Variants in ASTN2 observed in about 807,000 individuals in gnomAD.
ASTN2 encodes astrotactin 2.
A neutral mutation model predicts 139.8 loss-of-function variants in ASTN2; 54 were observed. The ratio of observed to expected loss-of-function variants is 0.39; its 90% confidence interval spans 0.31 to 0.48. The LOEUF is 0.48. ASTN2 is among the 20% of genes least tolerant of loss of function. The pLI is 0.95. For synonymous variants in ASTN2, 756 were observed against 719.5 expected (o/e 1.05, Z -0.81); for missense variants, 1,565 against 1,725.1 (o/e 0.91, Z 1.64).
chr9:117,120,018 GTATA>G (rs200361826), intron 4 of ASTN2, among the ~76,000 whole-genome samples: 116 of 45,986 alleles, frequency 2.5e-3, no homozygotes, highest in African/African-American at 7.6e-3. Context: ...GTGTGTGTGT[GTATA>G]TATATATATA....
intron 2 of ASTN2, among the ~76,000 whole-genome samples, chr9:117,275,837 G>C (rs1040287620): frequency 3.3e-5 from 5 of 151,984 alleles, no homozygotes; most frequent in Admixed American, 2.6e-4. Flanking sequence ...CCCAAAGTTA[G>C]TGTCTCTTCT....
intron 16 of ASTN2, chr9:116,697,720 CA>C (rs781716459): frequency 1.2e-6 from 2 of 1,613,236 alleles, no homozygotes; most frequent in Admixed American, 3.3e-5. Flanking sequence ...GCTGTGCTAG[CA>C]ATACCCTTCA....
intron 1 of ASTN2, among the ~76,000 whole-genome samples, chr9:117,293,322 C>T (rs1350987247): frequency 2.6e-5 from 4 of 152,196 alleles, no homozygotes; most frequent in Admixed American, 1.3e-4. Flanking sequence ...ATTCTATTCT[C>T]AGCCAGGAGC....
chr9:116,446,285 A>AGAGAGAGAGAGG (rs1564282702), intron 20 of ASTN2, among the ~76,000 whole-genome samples: 5 of 150,028 alleles, frequency 3.3e-5, no homozygotes, highest in Non-Finnish European at 4.5e-5. Context: ...AGAGAGAGAG[A>AGAGAGAGAGAGG]GAGAGAGAGA....
intron 4 of ASTN2, among the ~76,000 whole-genome samples, chr9:117,131,677 T>TA (rs1346274101): frequency 6.6e-6 from 1 of 152,190 alleles, no homozygotes; most frequent in African/African-American, 2.4e-5. Flanking sequence ...CCCATTATCT[T>TA]AACTCAAGCA....
chr9:117,404,215 T>C (rs1830917723), intron 1 of ASTN2, among the ~76,000 whole-genome samples: 1 of 152,220 alleles, frequency 6.6e-6, no homozygotes, highest in Admixed American at 6.5e-5. Context: ...GTGACTATTA[T>C]GTTTTCTTCA....
chr9:116,941,307 C>CT (rs542329443), intron 10 of ASTN2, among the ~76,000 whole-genome samples: 44 of 144,372 alleles, frequency 3.0e-4, no homozygotes, highest in South Asian at 1.1e-3. Flanking sequence ...TCTGGCCTGA[C>CT]TTTTTTTTTT....
intron 10 of ASTN2, among the ~76,000 whole-genome samples, chr9:116,929,351 C>G (rs1834839196): frequency 6.6e-6 from 1 of 152,162 alleles, no homozygotes; most frequent in African/African-American, 2.4e-5. Flanking sequence ...TAAGTCAGGC[C>G]TAGCTACAAT....
intron 16 of ASTN2, among the ~76,000 whole-genome samples, chr9:116,657,975 C>T (rs1858323243): frequency 6.6e-6 from 1 of 151,498 alleles, no homozygotes; most frequent in African/African-American, 2.4e-5. Context: ...GCAACCTCCA[C>T]CTCCTGGATT....
chr9:116,837,254 T>C (rs1038744004), intron 11 of ASTN2, among the ~76,000 whole-genome samples: 5 of 152,140 alleles, frequency 3.3e-5, no homozygotes, highest in African/African-American at 1.2e-4. Flanking sequence ...GGCGTGCCTC[T>C]TTGCTGAGGT....
intron 16 of ASTN2, among the ~76,000 whole-genome samples, chr9:116,689,956 CTT>C (rs1391282173): frequency 6.6e-6 from 1 of 152,290 alleles, no homozygotes; most frequent in East Asian, 1.9e-4. Flanking sequence ...TGTATGGTCT[CTT>C]TTGGTCTGCT....
chr9:117,134,579 C>A (rs1273535662), intron 4 of ASTN2, among the ~76,000 whole-genome samples: 1 of 151,968 alleles, frequency 6.6e-6, no homozygotes, highest in Non-Finnish European at 1.5e-5. Flanking sequence ...CCCGTTACCC[C>A]CTGCACAGCT....
intron 13 of ASTN2, among the ~76,000 whole-genome samples, chr9:116,777,236 A>T (rs1456521542): frequency 6.6e-6 from 1 of 152,190 alleles, no homozygotes; most frequent in Non-Finnish European, 1.5e-5. Flanking sequence ...GACCCAGACA[A>T]GAAATGCAGA....
rs574576674 is a variant in ASTN2 at position 117,377,099 on chromosome 9, G to C, written c.442+37398C>G. On this transcript the variant is annotated intron_variant, in intron 1 of 22. Coordinates refer to ENST00000313400, the MANE Select transcript of ASTN2 (RefSeq NM_001365068.1). Reference sequence around the variant, plus strand: ...CAATGCATTATTCAGGGAGTTCAGTGGTGGGCCTCTGCTAGGAATGGATGA... The same window carrying C: ...CAATGCATTATTCAGGGAGTTCAGTCGTGGGCCTCTGCTAGGAATGGATGA... 1.9e-4 allele frequency among the ~76,000 whole-genome samples: 29 copies of C among 152,318 alleles called. No individual in the cohort carries two copies. The South Asian group carries it at 5.2e-3, about 27-fold the overall frequency.
Position 116,698,161 on chromosome 9 carries a change from A to C in ASTN2, c.2806+27610T>G, listed in dbSNP as rs767396315. On this transcript the variant is annotated intron_variant, in intron 16 of 22. Transcript: ENST00000313400. The surrounding 1 kb of genome is among the most constrained non-coding windows in gnomAD (Gnocchi z 4.4). ...GGCCACTGTACACTCCCTGTCAAAG[A>C]AGCAGCTGAGGAGCGGCGTCGGGAC... 1 of 1,614,098 alleles carries C rather than the reference A, an allele frequency of 6.2e-7. No homozygotes were observed. Among genetic ancestry groups the C allele is most frequent in the African/African-American group, 1.3e-5 (1 of 75,026 alleles).
At chr9:116,827,639 T>C (rs1831675921) in intron 11 of ASTN2, among the ~76,000 whole-genome samples, 1 of 151,732 alleles carries the variant, frequency 6.6e-6, no homozygotes, top group African/African-American at 2.4e-5. Context: ...TAGAAAAAAA[T>C]GAATATATTC....
chr9:116,973,421 T>C (rs1359906501), intron 10 of ASTN2, among the ~76,000 whole-genome samples: 3 of 152,200 alleles, frequency 2.0e-5, no homozygotes, highest in Admixed American at 1.3e-4. Flanking sequence ...GATCACACAG[T>C]TCACACTTGG....
chr9:116,737,914 C>A (rs375438333), intron 13 of ASTN2, among the ~76,000 whole-genome samples: 17 of 152,158 alleles, frequency 1.1e-4, no homozygotes, highest in Admixed American at 2.0e-4. Context: ...ACATATTGGC[C>A]GGGCGCGGTG....
chr9:116,922,551 T>C (rs1404595718), intron 10 of ASTN2, among the ~76,000 whole-genome samples: 1 of 152,222 alleles, frequency 6.6e-6, no homozygotes, highest in African/African-American at 2.4e-5. Context: ...ATTGTTGCAT[T>C]GTTTGTAATA....
Sources: gnomAD v4.1 joint callset for allele counts (sites outside exome capture counted in the v4.1 genomes callset) on GRCh38, gnomAD v4.1.1 for gene constraint, Gnocchi (gnomAD v3.1) non-coding constraint, MANE v1.5 for transcripts, NCBI Gene and HGNC (gene_info 2026-07-23, HGNC 2026-07-21) for gene names.